Variants in IMPG1 observed in about 807,000 individuals in gnomAD.
IMPG1 encodes the protein interphotoreceptor matrix proteoglycan 1.
Under a neutral mutation model 92.0 loss-of-function variants are expected in IMPG1, and 85 were observed. The observed-to-expected ratio is 0.92, with a 90% CI of 0.78 to 1.11. The LOEUF is 1.11. Ranked by LOEUF, IMPG1 falls within the 50% of genes least tolerant of loss-of-function variation. IMPG1 has a pLI of 0.00. For missense variants in IMPG1, 1,022 were observed against 956.0 expected (o/e 1.07, Z -0.91); for synonymous variants, 367 against 334.1 (o/e 1.10, Z -1.08).
chr6:75,974,347 C>CT (rs1562354385), intron 12 of IMPG1, among the ~76,000 whole-genome samples: 1 of 99,472 alleles, frequency 1.0e-5, no homozygotes, highest in East Asian at 3.6e-4. Flanking sequence ...TTCTTTCTTT[C>CT]TTTCTTTCTT....
intron 7 of IMPG1, among the ~76,000 whole-genome samples, chr6:76,016,927 G>A (rs1783299185): frequency 6.6e-6 from 1 of 152,104 alleles, no homozygotes; most frequent in Non-Finnish European, 1.5e-5. Flanking sequence ...AGTAGAGATA[G>A]CAAAGGCCAT....
intron 12 of IMPG1, among the ~76,000 whole-genome samples, chr6:75,986,131 C>T (rs1365375845): frequency 2.0e-5 from 3 of 151,702 alleles, no homozygotes; most frequent in African/African-American, 7.3e-5. Flanking sequence ...TTTTTTGGTA[C>T]TTTGGTACTT....
chr6:76,055,469 T>C (rs1255137647), intron 1 of IMPG1, among the ~76,000 whole-genome samples: 1 of 151,910 alleles, frequency 6.6e-6, no homozygotes, highest in Non-Finnish European at 1.5e-5. Flanking sequence ...AGCTAAGTAT[T>C]AATGACCTAT....
chr6:75,958,058 C>T lies in IMPG1; in HGVS notation c.1292-6964G>A, dbSNP rs146788160. ...GCGGCTGTTACCAGTTGTTCCTTTT[C>T]ATATTTATTGCTTTCTTCAGGAGGC... On this transcript the variant is annotated intron_variant, in intron 12 of 16. Coordinates refer to ENST00000369950, the MANE Select transcript of IMPG1 (RefSeq NM_001563.4). Among the ~76,000 whole-genome samples, 646 of 152,290 alleles carry T rather than the reference C, an allele frequency of 4.2e-3. 15 individuals carry two copies. In the East Asian group the frequency reaches 0.054, roughly 13 times the overall value.
chr6:76,055,045 A>G (rs1313969208), intron 1 of IMPG1, among the ~76,000 whole-genome samples: 2 of 152,048 alleles, frequency 1.3e-5, no homozygotes, highest in African/African-American at 4.8e-5. Flanking sequence ...GGTAGGGAAG[A>G]TTTGAAAAAC....
chr6:75,989,397 G>A (rs969437454), intron 12 of IMPG1, among the ~76,000 whole-genome samples: 1 of 152,172 alleles, frequency 6.6e-6, no homozygotes, highest in Admixed American at 6.5e-5. Context: ...GAAATTTACT[G>A]AAAGATCATT....
chr6:75,938,665 T>A (rs1216862177), intron 14 of IMPG1, among the ~76,000 whole-genome samples: 2 of 151,988 alleles, frequency 1.3e-5, no homozygotes, highest in African/African-American at 4.8e-5. Context: ...ATACAAAAAT[T>A]AGCCAGGCAT....
intron 12 of IMPG1, among the ~76,000 whole-genome samples, chr6:75,968,102 C>A (rs1437939594): frequency 6.6e-6 from 1 of 152,144 alleles, no homozygotes; most frequent in Non-Finnish European, 1.5e-5. Context: ...AATTTGTAAA[C>A]CTTGACAATG....
At chr6:75,928,775 T>C (rs924652835) in intron 15 of IMPG1, 4 of 152,230 alleles carry the variant, frequency 2.6e-5, no homozygotes, top group African/African-American at 9.6e-5. Flanking sequence ...GATCGAACTA[T>C]ACAAAACTGC....
chr6:75,966,858 A>T (rs1782315477), intron 12 of IMPG1, among the ~76,000 whole-genome samples: 1 of 152,212 alleles, frequency 6.6e-6, no homozygotes, highest in Admixed American at 6.5e-5. Flanking sequence ...CAAACCTATG[A>T]CAGGAGAAAA....
chr6:75,921,700 A>G lies in IMPG1; in HGVS notation c.*389T>C, dbSNP rs45606834. ...TCATCTTTTAAATGTACTTTCTAGCATATAAAGAGTTTGCTTCCCAATAAA... is the reference window on the plus strand; with the variant it reads ...TCATCTTTTAAATGTACTTTCTAGCGTATAAAGAGTTTGCTTCCCAATAAA... On this transcript the variant is annotated 3_prime_UTR_variant, in exon 17 of 17. Transcript: ENST00000369950. 24,828 of 199,310 alleles carry G rather than the reference A, an allele frequency of 0.12. 1,716 individuals carry two copies. The highest frequency in any genetic ancestry group is 0.21 in the Middle Eastern group (110 of 512). 12.3% of individuals were successfully genotyped at this position (199,310 alleles called of 1,614,324 possible). A position where few individuals can be genotyped will look rare whatever the true frequency, so the allele number is the denominator to read the frequency against.
At chr6:75,936,242 C>T (rs988679669) in intron 14 of IMPG1, among the ~76,000 whole-genome samples, 1 of 152,244 alleles carries the variant, frequency 6.6e-6, no homozygotes, top group African/African-American at 2.4e-5. Flanking sequence ...GTCCCTCCAA[C>T]TCAAACATAC....
chr6:76,051,380 T>A (rs1784040130), intron 1 of IMPG1, among the ~76,000 whole-genome samples: 1 of 152,228 alleles, frequency 6.6e-6, no homozygotes, highest in African/African-American at 2.4e-5. Context: ...CCCAGAAGAC[T>A]GCATGGATTT....
At chr6:75,942,594 T>C (rs2002650) in intron 14 of IMPG1, among the ~76,000 whole-genome samples, 26,672 of 152,132 alleles carry the variant, frequency 0.18, 2,885 homozygotes, top group Non-Finnish European at 0.25. Context: ...TCCAGGGTCC[T>C]GAGAGACAGC....
At chr6:75,970,832 C>CA in intron 12 of IMPG1, among the ~76,000 whole-genome samples, 1 of 152,192 alleles carries the variant, frequency 6.6e-6, no homozygotes, top group East Asian at 1.9e-4. Context: ...ATTTGCAAAG[C>CA]AAAATAATCG....
chr6:75,950,907 A>G lies in IMPG1; in HGVS notation c.1479T>C (p.Ala493=), dbSNP rs754938809. The change falls in exon 13 of 17, where the codon GCT becomes GCC. Residue 493 remains alanine (A), a synonymous_variant. Transcript: ENST00000369950. The stretch of plus-strand genomic sequence containing the variant: ...ATGCAGGTGGATGTGAAATTCCCAG[A>G]GCCAGTTGGCTGATTGCAGAATAAT... ...TSDYSAISQL[A]LGISHPPASS... The G allele has an allele frequency of 6.2e-7, 1 of 1,613,968 alleles. No homozygotes were observed. The highest frequency in any genetic ancestry group is 8.5e-7 in the Non-Finnish European group (1 of 1,179,934).
intron 7 of IMPG1, among the ~76,000 whole-genome samples, chr6:76,012,082 C>T (rs1582103321): frequency 6.6e-6 from 1 of 152,044 alleles, no homozygotes; most frequent in African/African-American, 2.4e-5. Flanking sequence ...AAAATGGCTG[C>T]TGTACTTAAA....
At chr6:76,024,730 A>G (rs1314929856) in intron 5 of IMPG1, among the ~76,000 whole-genome samples, 1 of 152,218 alleles carries the variant, frequency 6.6e-6, no homozygotes, top group Non-Finnish European at 1.5e-5. Flanking sequence ...ACTATTTGTA[A>G]TGTCAGATAC....
At position 76,018,707 on chromosome 6, in the gene IMPG1, G is replaced by C; in HGVS notation, c.807+11C>G. On this transcript the variant is annotated intron_variant, in intron 7 of 16. Coordinates refer to ENST00000369950, the MANE Select transcript of IMPG1 (RefSeq NM_001563.4). The stretch of plus-strand genomic sequence containing the variant: ...GCTTGAGGTGTGGTTGTATGGGCCG[G>C]GTCTACTCACCTGAAGTTGGGACTT... The C allele has an allele frequency of 2.5e-6, 4 of 1,611,988 alleles. No homozygotes were observed. Among genetic ancestry groups the C allele is most frequent in the Non-Finnish European group, 3.4e-6 (4 of 1,178,952 alleles).
Sources: gnomAD v4.1 joint callset for allele counts (sites outside exome capture counted in the v4.1 genomes callset) on GRCh38, gnomAD v4.1.1 for gene constraint, MANE v1.5 for transcripts, NCBI Gene and HGNC (gene_info 2026-07-23, HGNC 2026-07-21) for gene names.